Variants in ZEB2 observed in about 807,000 individuals in gnomAD.
ZEB2 encodes the protein zinc finger E-box-binding homeobox 2.
In ZEB2, 6 loss-of-function variants were observed where a neutral mutation model predicts 99.9. That is an observed-to-expected ratio of 0.06 (90% CI 0.03 to 0.12). The LOEUF (loss-of-function observed/expected upper bound fraction) is 0.12, where lower values mean the gene tolerates loss of function less well. Among genes scored for constraint, ZEB2 ranks in the 10% least tolerant of loss-of-function variants. The pLI, the probability that ZEB2 is intolerant of heterozygous loss-of-function variation, is 1.00. For synonymous variants in ZEB2, 517 were observed against 542.5 expected (o/e 0.95, Z 0.65); for missense variants, 969 against 1,502.8 (o/e 0.64, Z 5.87).
In ZEB2 at chr2:144,389,482, T is replaced by C. The variant is rs1224398411; in HGVS notation, c.3614A>G (p.His1205Arg). 2 of 1,614,080 alleles carry C rather than the reference T, an allele frequency of 1.2e-6. No individual in the cohort carries two copies. The highest frequency in any genetic ancestry group is 2.2e-5 in the East Asian group (1 of 44,900). Residue 1205 changes from histidine to arginine, a missense_variant, in exon 10 of 10, where the codon CAC (histidine) becomes CGC (arginine). Transcript: ENST00000627532. The surrounding 1 kb of genome is among the most constrained non-coding windows in gnomAD (Gnocchi z 6.8). ...GCCATCTTCCATATTGTCTTCCTCGTGGTCTGATTTGGTTTCCATTTTCCC... is the reference window on the plus strand; with the variant it reads ...GCCATCTTCCATATTGTCTTCCTCGCGGTCTGATTTGGTTTCCATTTTCCC... ...EDGKMETKSD[H>R]EEDNMEDGM is the part of the protein sequence containing the mutation.
intron 2 of ZEB2, chr2:144,511,904 G>A: frequency 7.8e-7 from 1 of 1,287,052 alleles, no homozygotes; most frequent in South Asian, 1.2e-5. Context: ...AAGCATATTT[G>A]GGCTTATGTT....
chr2:144,486,709 G>T (rs563303136), intron 2 of ZEB2, among the ~76,000 whole-genome samples: 1 of 152,260 alleles, frequency 6.6e-6, no homozygotes, highest in African/African-American at 2.4e-5. Context: ...CAAGGGAAGG[G>T]TGTAAGTGAA....
intron 2 of ZEB2, among the ~76,000 whole-genome samples, chr2:144,457,241 T>C (rs1186712007): frequency 6.6e-6 from 1 of 152,152 alleles, no homozygotes; most frequent in Admixed American, 6.6e-5. Flanking sequence ...TTGCTCCTCA[T>C]AACAAACCTT....
Position 144,450,391 on chromosome 2 carries a change from C to CA in ZEB2, c.74-20366dup, listed in dbSNP as rs1326351787. ...CATACTGAATGTAATTATAACTCTT[C>CA]AAAAAAATCAATCTCTTTCTCTTTT... On this transcript the variant is annotated intron_variant, in intron 2 of 9. Transcript: ENST00000627532. 3.3e-5 allele frequency: 5 copies of CA among 152,158 alleles called. No individual in the cohort carries two copies. The South Asian group carries it at 1.0e-3, about 32-fold the overall frequency. 9.4% of individuals were successfully genotyped at this position (152,158 alleles called of 1,614,324 possible).
chr2:144,485,999 T>TTTTTGAGTTA (rs1171699979), intron 2 of ZEB2, among the ~76,000 whole-genome samples: 7 of 152,202 alleles, frequency 4.6e-5, no homozygotes, highest in African/African-American at 1.7e-4. Context: ...ATACAAGATA[T>TTTTTGAGTTA]TTTTGAGTTA....
chr2:144,463,843 AAAC>A (rs1353154864), intron 2 of ZEB2: 3 of 151,954 alleles, frequency 2.0e-5, no homozygotes, highest in East Asian at 1.9e-4. Context: ...AAAAAACAAA[AAAC>A]AAAAAACAAA....
Position 144,385,397 on chromosome 2 carries a change from T to A in ZEB2, c.*4054A>T, listed in dbSNP as rs1282769456. 2.0e-5 allele frequency: 3 copies of A among 152,168 alleles called. No homozygotes were observed. Among genetic ancestry groups the A allele is most frequent in the South Asian group, 2.1e-4 (1 of 4,834 alleles). The allele number at this position is 152,168 out of a possible 1,614,324, so 9.4% of individuals were successfully genotyped here. A position where few individuals can be genotyped will look rare whatever the true frequency, so the allele number is the denominator to read the frequency against. ...AATAAGGTGGTTTTCATATATATAT[T>A]TTTTCCCCATGTGAATTCTTTGGTG... On this transcript the variant is annotated 3_prime_UTR_variant, in exon 10 of 10. Transcript: ENST00000627532.
At chr2:144,417,331 T>C (rs1426227203) in intron 4 of ZEB2, among the ~76,000 whole-genome samples, 1 of 152,202 alleles carries the variant, frequency 6.6e-6, no homozygotes, top group Non-Finnish European at 1.5e-5. Context: ...AAATTCTACA[T>C]ACAACAAACA....
intron 1 of ZEB2, chr2:144,517,909 T>TATTGTGGGACTAGGAGAAGAGGCA: frequency 2.7e-6 from 1 of 365,404 alleles, no homozygotes; most frequent in Non-Finnish European, 4.9e-6. Flanking sequence ...CTCGGGCAAA[T>TATTGTGGGACTAGGAGAAGAGGCA]TGATAATAGT....
intron 9 of ZEB2, 71 bp from the exon 10 acceptor site, chr2:144,390,099 G>C (rs1208313391): frequency 6.7e-7 from 1 of 1,493,242 alleles, no homozygotes; most frequent in Non-Finnish European, 9.2e-7. Context: ...AATTCTGTAC[G>C]CGAGTCCAGA....
At chr2:144,517,955 C>A in intron 1 of ZEB2, 1 of 396,242 alleles carries the variant, frequency 2.5e-6, no homozygotes, top group East Asian at 4.6e-5. Flanking sequence ...CGCCCCCTCC[C>A]CTCCCCTTTT....
At chr2:144,515,463 G>T (rs972329860) in intron 2 of ZEB2, among the ~76,000 whole-genome samples, 25 of 151,828 alleles carry the variant, frequency 1.6e-4, no homozygotes, top group African/African-American at 5.6e-4. Context: ...GGTCTCCTGT[G>T]TAAGGACCAC....
At chr2:144,480,610 T>C (rs1000925668) in intron 2 of ZEB2, among the ~76,000 whole-genome samples, 5 of 152,126 alleles carry the variant, frequency 3.3e-5, no homozygotes, top group Middle Eastern at 3.2e-3. Flanking sequence ...TCTATTACGC[T>C]ATAAGTGGCA....
rs1573704727 is a variant in ZEB2, at chr2:144,386,401, C to T, written c.*3050G>A. The T allele has an allele frequency of 6.6e-6, 1 of 152,212 alleles. No homozygotes were observed. The highest frequency in any genetic ancestry group is 2.4e-5 in the African/African-American group (1 of 41,550). 9.4% of individuals were successfully genotyped at this position (152,212 alleles called of 1,614,324 possible). A position where few individuals can be genotyped will look rare whatever the true frequency, so the allele number is the denominator to read the frequency against. On this transcript the variant is annotated 3_prime_UTR_variant, in exon 10 of 10. Transcript: ENST00000627532. ...GGATAAATAGCATTAAAAAAAACTC[C>T]TCAGATATGGGACATTGTAGTGATT...
At chr2:144,394,603 A>G (rs1373615656) in intron 9 of ZEB2, 1 of 152,260 alleles carries the variant, frequency 6.6e-6, no homozygotes, top group African/African-American at 2.4e-5. Context: ...TAAAGAAAAT[A>G]TCTACACTAA....
At chr2:144,424,909 AG>A in intron 3 of ZEB2, 42 bp from the exon 4 acceptor site, 1 of 1,600,808 alleles carries the variant, frequency 6.2e-7, no homozygotes. Context: ...AATTGTAGAA[AG>A]GCTTACTATA....
rs1272767800 is a variant in ZEB2, at chr2:144,387,167, G to A, written c.*2284C>T. 2 of 151,474 alleles carry A rather than the reference G, an allele frequency of 1.3e-5. No homozygotes were observed. Among genetic ancestry groups the A allele is most frequent in the Non-Finnish European group, 2.9e-5 (2 of 67,916 alleles). The allele number at this position is 151,474 out of a possible 1,614,324, so 9.4% of individuals were successfully genotyped here. On this transcript the variant is annotated 3_prime_UTR_variant, in exon 10 of 10. Coordinates refer to ENST00000627532, the MANE Select transcript of ZEB2 (RefSeq NM_014795.4). ...ATGGCTAAGGAATAAATATAAATATGTTGTTCTTGCCAACTGGAAATATCA... is the reference window on the plus strand; with the variant it reads ...ATGGCTAAGGAATAAATATAAATATATTGTTCTTGCCAACTGGAAATATCA...
At chr2:144,402,158 T>C (rs1703320576) in intron 6 of ZEB2, among the ~76,000 whole-genome samples, 1 of 152,160 alleles carries the variant, frequency 6.6e-6, no homozygotes, top group African/African-American at 2.4e-5. Flanking sequence ...CAAACACAGC[T>C]GACCTTTTTG....
At chr2:144,511,069 GT>G (rs1705030350) in intron 2 of ZEB2, among the ~76,000 whole-genome samples, 2 of 152,094 alleles carry the variant, frequency 1.3e-5, no homozygotes, top group African/African-American at 4.8e-5. Flanking sequence ...AATTATAAAA[GT>G]TTTTCCCCCA....
Sources: allele counts gnomAD v4.1 joint callset (sites outside exome capture counted in the v4.1 genomes callset), GRCh38; gene constraint gnomAD v4.1.1; non-coding constraint Gnocchi (gnomAD v3.1); transcripts MANE v1.5; gene names NCBI Gene and HGNC (gene_info 2026-07-23, HGNC 2026-07-21).